The following PDE4B variants were observed in gnomAD, a reference collection of about 807,000 sequenced individuals.
PDE4B encodes the protein phosphodiesterase 4B.
In PDE4B, 20 loss-of-function variants were observed where a neutral mutation model predicts 82.2. The ratio of observed to expected loss-of-function variants is 0.24; its 90% CI spans 0.17 to 0.35. The LOEUF (loss-of-function observed/expected upper bound fraction) is 0.35, where lower values mean the gene tolerates loss of function less well. Among genes scored for constraint, PDE4B ranks in the 10% least tolerant of loss-of-function variants. PDE4B has a pLI of 1.00. For missense variants in PDE4B, 655 were observed against 907.2 expected (o/e 0.72, Z 3.57); for synonymous variants, 320 against 318.9 (o/e 1.00, Z -0.04).
At chr1:66,032,952 C>A (rs540061425) in intron 3 of PDE4B, among the ~76,000 whole-genome samples, 2 of 152,274 alleles carry the variant, frequency 1.3e-5, no homozygotes, top group South Asian at 4.1e-4. Context: ...CCACGCCCGG[C>A]CTCATTTATC....
At chr1:65,884,390 G>A (rs536057169) in intron 1 of PDE4B, among the ~76,000 whole-genome samples, 23 of 152,110 alleles carry the variant, frequency 1.5e-4, no homozygotes, top group African/African-American at 5.5e-4. Context: ...TCCTGGGAGG[G>A]TGTATGTGTC....
At chr1:66,258,314 A>G (rs915349557) in intron 6 of PDE4B, among the ~76,000 whole-genome samples, 8 of 152,266 alleles carry the variant, frequency 5.3e-5, no homozygotes, top group Admixed American at 2.6e-4. Context: ...CATGCAGTTT[A>G]ATGAATAAGA....
intron 3 of PDE4B, among the ~76,000 whole-genome samples, chr1:66,170,851 CT>C (rs1439666609): frequency 2.0e-5 from 3 of 152,110 alleles, no homozygotes; most frequent in Admixed American, 6.6e-5. Flanking sequence ...CTGATTTACC[CT>C]TTTGTAATAT....
rs149018770 is a variant in PDE4B, at chr1:66,186,212, G to A, written c.282-61248G>A. On this transcript the variant is annotated intron_variant, in intron 3 of 16. Transcript: ENST00000341517. ...GGTCTATATCTCTGTTTTGGTACCAGCACCATGCTGTTTTGGTTACTGTAG... is the reference window on the plus strand; with the variant it reads ...GGTCTATATCTCTGTTTTGGTACCAACACCATGCTGTTTTGGTTACTGTAG... Among the ~76,000 whole-genome samples the A allele has an allele frequency of 6.8e-3, 1,036 of 152,280 alleles. 11 individuals are homozygous for A. The highest frequency in any genetic ancestry group is 0.024 in the African/African-American group (1,002 of 41,556).
intron 3 of PDE4B, among the ~76,000 whole-genome samples, chr1:66,061,682 T>G (rs1019844401): frequency 3.9e-5 from 6 of 152,310 alleles, no homozygotes; most frequent in Non-Finnish European, 8.8e-5. Context: ...AGCTTTGTGT[T>G]AGCAAAAGGG....
intron 3 of PDE4B, among the ~76,000 whole-genome samples, chr1:66,059,617 A>G (rs535254066): frequency 4.6e-5 from 7 of 152,246 alleles, no homozygotes; most frequent in African/African-American, 1.7e-4. Flanking sequence ...GGAAACTCTC[A>G]TTTTGAAAAC....
At chr1:65,907,533 C>T (rs964469210) in intron 1 of PDE4B, among the ~76,000 whole-genome samples, 4 of 152,088 alleles carry the variant, frequency 2.6e-5, no homozygotes, top group Admixed American at 6.6e-5. Context: ...CTGCTTTATC[C>T]GGCATGTCTT....
chr1:65,885,293 G>A, intron 1 of PDE4B, among the ~76,000 whole-genome samples: 1 of 152,222 alleles, frequency 6.6e-6, no homozygotes, highest in East Asian at 1.9e-4. Flanking sequence ...CATTGTGGAA[G>A]ACAGTGTGGC....
At chr1:66,144,304 A>G (rs1259586411) in intron 3 of PDE4B, among the ~76,000 whole-genome samples, 1 of 152,228 alleles carries the variant, frequency 6.6e-6, no homozygotes, top group Non-Finnish European at 1.5e-5. Flanking sequence ...ATTTTACTGG[A>G]TGCCAGGGAT....
chr1:66,225,890 T>A (rs980327138), intron 3 of PDE4B, among the ~76,000 whole-genome samples: 4 of 152,254 alleles, frequency 2.6e-5, no homozygotes, highest in African/African-American at 9.6e-5. Flanking sequence ...GTATGTGTCA[T>A]GTTTGTCTTA....
chr1:66,097,696 T>C (rs918532351), intron 3 of PDE4B, among the ~76,000 whole-genome samples: 1 of 151,992 alleles, frequency 6.6e-6, no homozygotes, highest in Non-Finnish European at 1.5e-5. Flanking sequence ...CTTGAACAAA[T>C]GAAACATTTG....
At chr1:66,328,716 C>T (rs1215992515) in intron 7 of PDE4B, among the ~76,000 whole-genome samples, 1 of 152,188 alleles carries the variant, frequency 6.6e-6, no homozygotes, top group Admixed American at 6.5e-5. Flanking sequence ...CTTTTTCCCA[C>T]CTGCACTTGT....
intron 3 of PDE4B, among the ~76,000 whole-genome samples, chr1:65,947,744 C>T (rs1648784272): frequency 6.6e-6 from 1 of 151,788 alleles, no homozygotes; most frequent in African/African-American, 2.4e-5. Context: ...TGCCTGGGGG[C>T]TACCAGAAGA....
chr1:66,236,778 C>T (rs1039726949), intron 3 of PDE4B, among the ~76,000 whole-genome samples: 1 of 152,054 alleles, frequency 6.6e-6, no homozygotes, highest in African/African-American at 2.4e-5. Flanking sequence ...AGAAATGTAT[C>T]CATAGCAGCA....
chr1:66,234,596 A>T (rs1478662008), intron 3 of PDE4B, among the ~76,000 whole-genome samples: 1 of 151,796 alleles, frequency 6.6e-6, no homozygotes, highest in African/African-American at 2.4e-5. Flanking sequence ...GCCTGGTATA[A>T]TTTTTTTTAT....
rs1285765740 is a variant in PDE4B at position 65,887,412 on chromosome 1, C to CTTTTTTTTTTTTT, written c.-70-25832_-70-25831insTTTTTTTTTTTTT. On this transcript the variant is annotated intron_variant, in intron 1 of 16. Coordinates refer to ENST00000341517, the MANE Select transcript of PDE4B (RefSeq NM_002600.4). ...TCTTTTCTTTCTTTTTCTTTTTCTT[C>CTTTTTTTTTTTTT]TGTTTTTTTTTTTTTTTTTTTTTTT... Among the ~76,000 whole-genome samples the CTTTTTTTTTTTTT allele has an allele frequency of 5.2e-3, 36 of 6,930 alleles. 1 individual carries two copies. The highest frequency in any genetic ancestry group is 6.2e-3 in the Non-Finnish European group (27 of 4,368). 4.5% of individuals were successfully genotyped at this position (6,930 alleles called of 152,430 possible).
chr1:66,075,469 T>A (rs1172049238), intron 3 of PDE4B, among the ~76,000 whole-genome samples: 1 of 152,172 alleles, frequency 6.6e-6, no homozygotes, highest in Non-Finnish European at 1.5e-5. Context: ...TACATGCAGT[T>A]TGTGGAATTA....
intron 1 of PDE4B, among the ~76,000 whole-genome samples, chr1:65,818,642 A>T (rs976718461): frequency 6.9e-6 from 1 of 144,914 alleles, no homozygotes; most frequent in Non-Finnish European, 1.5e-5. Flanking sequence ...TGTTTAATAC[A>T]TACATATATA....
At chr1:65,800,564 T>A (rs1645682784) in intron 1 of PDE4B, among the ~76,000 whole-genome samples, 1 of 152,216 alleles carries the variant, frequency 6.6e-6, no homozygotes, top group African/African-American at 2.4e-5. Flanking sequence ...GGGTATAAAA[T>A]AAGGCCAGCT....
Sources: allele counts gnomAD v4.1 joint callset (sites outside exome capture counted in the v4.1 genomes callset), GRCh38; gene constraint gnomAD v4.1.1; transcripts MANE v1.5; gene names NCBI Gene and HGNC (gene_info 2026-07-23, HGNC 2026-07-21).